Variants in NLGN2 observed in about 807,000 individuals in gnomAD.
NLGN2 encodes the protein neuroligin 2, also known as neuroligin-2.
Under a neutral mutation model 48.6 loss-of-function variants are expected in NLGN2, and 11 were observed. That is an observed-to-expected ratio of 0.23 (90% CI 0.14 to 0.37). The LOEUF (loss-of-function observed/expected upper bound fraction) is 0.37, where lower values mean the gene tolerates loss of function less well. NLGN2 is among the 10% of genes least tolerant of loss of function. NLGN2 has a pLI of 1.00. For synonymous variants in NLGN2, 548 were observed against 550.0 expected, an observed-to-expected ratio of 1.00 and a Z score of 0.05; for missense variants, 801 against 1,225.2, an observed-to-expected ratio of 0.65 and a Z score of 5.17.
upstream of NLGN2, among the ~76,000 whole-genome samples, chr17:7,407,563 A>C (rs747617035): frequency 6.6e-6 from 1 of 152,116 alleles, no homozygotes; most frequent in Non-Finnish European, 1.5e-5. Flanking sequence ...CCAGCTAATT[A>C]ATGACTTGGT....
At position 7,414,772 on chromosome 17, in the gene NLGN2, C is replaced by T. The variant is rs143644156; in HGVS notation, c.768C>T (p.Pro256=). ...ACATCGCCCACTTTGGGGGCGACCC[C>T]GAGCGTATCACCATCTTTGGTTCCG... The part of the protein sequence containing the change: ...SENIAHFGGD[P]ERITIFGSGA... Residue 256 remains proline (P), a synonymous_variant, in exon 4 of 7, where the codon CCC becomes CCT. Coordinates refer to ENST00000302926, the MANE Select transcript of NLGN2 (RefSeq NM_020795.4). 8.3e-5 allele frequency: 134 copies of T among 1,614,170 alleles called. No individual in the cohort carries two copies. Among genetic ancestry groups the T allele is most frequent in the Middle Eastern group, 1.6e-4 (1 of 6,062 alleles).
In NLGN2 at chr17:7,417,539, G is replaced by A; in HGVS notation, c.2248G>A (p.Gly750Ser). Reference protein sequence around the residue: ...EELVSLQLKRGGGVGADPAEA... With the variant: ...EELVSLQLKRSGGVGADPAEA... The stretch of plus-strand genomic sequence containing the variant: ...GCTGGTGTCACTGCAGCTGAAGCGG[G>A]GTGGTGGCGTCGGGGCGGACCCTGC... The change falls in exon 7 of 7, where the codon GGT becomes AGT. Residue 750 changes from glycine (G) to serine (S), a missense_variant. Physicochemically the swap from Gly to Ser is moderately conservative, Grantham distance 56 (BLOSUM62 0). Around this residue, in one of 5 missense-constraint regions of NLGN2, gnomAD observed 276 missense variants for 313.9 expected, o/e 0.88. Transcript: ENST00000302926. 6.8e-7 allele frequency: 1 copy of A among 1,477,302 alleles called. No individual in the cohort carries two copies. Among genetic ancestry groups the A allele is most frequent in the Non-Finnish European group, 8.9e-7 (1 of 1,118,790 alleles). 91.5% of individuals were successfully genotyped at this position (1,477,302 alleles called of 1,614,324 possible).
At chr17:7,416,855 GC>G in intron 6 of NLGN2, 70 bp from the exon 7 acceptor site, 1 of 1,571,158 alleles carries the variant, frequency 6.4e-7, no homozygotes, top group Non-Finnish European at 8.7e-7. Flanking sequence ...CTGTCTCCCT[GC>G]CCACTGCCAT....
chr17:7,407,197 C>G (rs567823347), upstream of NLGN2, among the ~76,000 whole-genome samples: 17 of 152,334 alleles, frequency 1.1e-4, no homozygotes, highest in African/African-American at 4.1e-4. Context: ...CAGAACCCCC[C>G]TCCAGGGTTA....
Position 7,408,564 on chromosome 17 carries a change from G to C in NLGN2, c.309G>C (p.Pro103=). Residue 103 remains proline (P), a synonymous_variant, in exon 1 of 7, where the codon CCG becomes CCC. Transcript: ENST00000302926. The surrounding 1 kb of genome is among the most constrained non-coding windows in gnomAD (Gnocchi z 7.5). The part of the protein sequence containing the change: ...WPGVRNATTL[P]PACPQNLHGA... ...GCGTGCGCAACGCCACCACCCTGCCGCCCGCCTGCCCGCAGAACCTGCACG... is the reference window on the plus strand; with the variant it reads ...GCGTGCGCAACGCCACCACCCTGCCCCCCGCCTGCCCGCAGAACCTGCACG... The C allele has an allele frequency of 6.4e-7, 1 of 1,551,604 alleles. No individual in the cohort carries two copies. The highest frequency in any genetic ancestry group is 8.7e-7 in the Non-Finnish European group (1 of 1,150,154).
chr17:7,407,392 G>T (rs552936478), upstream of NLGN2, among the ~76,000 whole-genome samples: 7 of 152,164 alleles, frequency 4.6e-5, no homozygotes, highest in Non-Finnish European at 8.8e-5. Context: ...GAGAGGGGTC[G>T]CAGGCAGCAC....
Position 7,417,468 on chromosome 17 carries a change from GC to G in NLGN2, c.2182del (p.Leu728CysfsTer20). The G allele has an allele frequency of 5.9e-6, 9 of 1,536,910 alleles. No homozygotes were observed. The highest frequency in any genetic ancestry group is 2.5e-5 in the East Asian group (1 of 40,386). ...TCAGGCTCTGGCGTGCCTGGTGGGG[GC>G]CCCCTGCTCCCCGCCGCGGGCCGTG... ...GGSGSGVPGG[G>X]PLLPAAGREL... is the part of the protein sequence containing the mutation. On this transcript the variant is annotated frameshift_variant, in exon 7 of 7. Coordinates refer to ENST00000302926, the MANE Select transcript of NLGN2 (RefSeq NM_020795.4). LOFTEE classifies it low-confidence loss of function (END_TRUNC).
rs749019100 is a variant in NLGN2 at position 7,415,814 on chromosome 17, C to G, written c.1341C>G (p.Arg447=). Residue 447 remains arginine, a synonymous_variant, in exon 6 of 7, where the codon CGC becomes CGG. Coordinates refer to ENST00000302926, the MANE Select transcript of NLGN2 (RefSeq NM_020795.4). ...DWADRDNGEM[R]RKTLLALFTD... ...CCGACCGGGACAATGGCGAAATGCG[C>G]CGCAAAACCCTGCTGGCGCTCTTTA... The G allele has an allele frequency of 3.5e-5, 56 of 1,613,870 alleles. No homozygotes were observed. Among genetic ancestry groups the G allele is most frequent in the Non-Finnish European group, 5.9e-6 (7 of 1,180,038 alleles).
At position 7,408,123 on chromosome 17, in the gene NLGN2, AC is replaced by A; in HGVS notation, c.-128del. 1 of 447,474 alleles carries A rather than the reference AC, an allele frequency of 2.2e-6. No individual in the cohort carries two copies. The highest frequency in any genetic ancestry group is 3.8e-6 in the Non-Finnish European group (1 of 266,238). The allele number at this position is 447,474 out of a possible 1,614,324, so 27.7% of individuals were successfully genotyped here. A position where few individuals can be genotyped will look rare whatever the true frequency, so the allele number is the denominator to read the frequency against. On this transcript the variant is annotated 5_prime_UTR_variant, in exon 1 of 7. Coordinates refer to ENST00000302926, the MANE Select transcript of NLGN2 (RefSeq NM_020795.4). This position sits in a 1 kb window ranked among gnomAD's most constrained non-coding sequence, Gnocchi z 7.5. ...CCAGTCTAACCCAGGTCCCTCCCCA[AC>A]CCCCTCCTCCCTCCTTTCCCCCCGC... is the stretch of plus-strand genomic sequence containing the variant.
In NLGN2 at chr17:7,417,313, G is replaced by A. The variant is rs370003398; in HGVS notation, c.2022G>A (p.Thr674=). The change falls in exon 7 of 7, where the codon ACG becomes ACA. Residue 674 remains threonine (T), a synonymous_variant. Coordinates refer to ENST00000302926, the MANE Select transcript of NLGN2 (RefSeq NM_020795.4). ...CCGGGGACTCACGGGACTACTCCAC[G>A]GAGCTGAGCGTCACCGTGGCCGTGG... ...RFPGDSRDYS[T]ELSVTVAVGA... 25 of 1,609,330 alleles carry A rather than the reference G, an allele frequency of 1.6e-5. No homozygotes were observed. Among genetic ancestry groups the A allele is most frequent in the East Asian group, 2.2e-5 (1 of 44,610 alleles).
chr17:7,417,221 C>T lies in NLGN2; in HGVS notation c.1930C>T (p.Pro644Ser). 6.5e-7 allele frequency: 1 copy of T among 1,535,828 alleles called. No individual in the cohort carries two copies. Among genetic ancestry groups the T allele is most frequent in the Non-Finnish European group, 8.7e-7 (1 of 1,144,516 alleles). ...TGGCGCCCCGGGCACACGCCGGCCC[C>T]CGCCGCCTGCCACCCTGCCTCCCGA... ...PAGAPGTRRPPPPATLPPEPE... is the reference protein window; with the variant it reads ...PAGAPGTRRPSPPATLPPEPE... The change falls in exon 7 of 7, where the codon CCG (proline) becomes TCG (serine). Residue 644 changes from proline (P) to serine (S), a missense_variant. Physicochemically the swap from Pro to Ser is moderately conservative, Grantham distance 74 (BLOSUM62 -1). This residue lies in a region of NLGN2 where 276 missense variants were observed against 313.9 expected (regional missense o/e 0.88). Transcript: ENST00000302926.
chr17:7,406,750 A>G (rs1906662283), upstream of NLGN2, among the ~76,000 whole-genome samples: 2 of 151,342 alleles, frequency 1.3e-5, no homozygotes, highest in South Asian at 4.2e-4. Flanking sequence ...CAGGCATCAG[A>G]GCAGCAACTG....
chr17:7,409,872 C>T (rs899401945), intron 1 of NLGN2, among the ~76,000 whole-genome samples: 5 of 152,140 alleles, frequency 3.3e-5, no homozygotes, highest in Admixed American at 1.3e-4. Flanking sequence ...ATCACACACA[C>T]CCCCAGTACA....
At chr17:7,404,684 C>T (rs1906534930), upstream of NLGN2, among the ~76,000 whole-genome samples, 1 of 152,060 alleles carries the variant, frequency 6.6e-6, no homozygotes, top group South Asian at 2.1e-4. Flanking sequence ...GTGGGAGATC[C>T]GGGGGAATGT....
chr17:7,408,134 C>A lies in NLGN2; in HGVS notation c.-122C>A, dbSNP rs941153254. The A allele has an allele frequency of 6.2e-6, 3 of 481,278 alleles. No individual in the cohort carries two copies. The highest frequency in any genetic ancestry group is 6.2e-5 in the African/African-American group (3 of 48,344). The allele number at this position is 481,278 out of a possible 1,614,324, so 29.8% of individuals were successfully genotyped here. A position where few individuals can be genotyped will look rare whatever the true frequency, so the allele number is the denominator to read the frequency against. On this transcript the variant is annotated 5_prime_UTR_variant, in exon 1 of 7. Transcript: ENST00000302926. The surrounding 1 kb of genome is among the most constrained non-coding windows in gnomAD (Gnocchi z 7.5). Reference sequence around the variant, plus strand: ...CAGGTCCCTCCCCAACCCCCTCCTCCCTCCTTTCCCCCCGCCCCTCCTCCC... The same window carrying A: ...CAGGTCCCTCCCCAACCCCCTCCTCACTCCTTTCCCCCCGCCCCTCCTCCC...
In NLGN2 at chr17:7,411,560, G is replaced by A. The variant is rs1199753144; in HGVS notation, c.458-597G>A. Among the ~76,000 whole-genome samples the A allele has an allele frequency of 2.0e-5, 3 of 152,186 alleles. No individual in the cohort carries two copies. Among genetic ancestry groups the A allele is most frequent in the African/African-American group, 7.2e-5 (3 of 41,442 alleles). On this transcript the variant is annotated intron_variant, in intron 1 of 6. Coordinates refer to ENST00000302926, the MANE Select transcript of NLGN2 (RefSeq NM_020795.4). This position sits in a 1 kb window ranked among gnomAD's most constrained non-coding sequence, Gnocchi z 4.5. The stretch of plus-strand genomic sequence containing the variant: ...CGGAAGGCTTCTGGGGCTGAGCTGT[G>A]GGGCAGGCTGCCCCCCAACCCTGTC...
Position 7,408,494 on chromosome 17 carries a change from G to A in NLGN2, c.239G>A (p.Gly80Asp), listed in dbSNP as rs1906750327. The A allele has an allele frequency of 3.4e-6, 5 of 1,490,770 alleles. No homozygotes were observed. The highest frequency in any genetic ancestry group is 3.6e-6 in the Non-Finnish European group (4 of 1,124,596). 92.3% of individuals were successfully genotyped at this position (1,490,770 alleles called of 1,614,324 possible). Residue 80 changes from glycine to aspartate, a missense_variant, in exon 1 of 7, where the codon GGC becomes GAC. By Grantham distance (94) the Gly-to-Asp change is moderately conservative. This residue lies in a region of NLGN2 where 164 missense variants were observed against 186.2 expected (regional missense o/e 0.88). Coordinates refer to ENST00000302926, the MANE Select transcript of NLGN2 (RefSeq NM_020795.4). This position sits in a 1 kb window ranked among gnomAD's most constrained non-coding sequence, Gnocchi z 7.5. ...LGVPYATPPLGARRFQPPEAP... is the reference protein window; with the variant it reads ...LGVPYATPPLDARRFQPPEAP... ...GTGCCCTACGCCACGCCGCCCCTGG[G>A]CGCCCGCCGCTTCCAGCCGCCTGAG... is the stretch of plus-strand genomic sequence containing the variant.
upstream of NLGN2, chr17:7,405,756 G>C (rs1343501124): frequency 6.5e-6 from 1 of 153,296 alleles, no homozygotes; most frequent in African/African-American, 2.4e-5. This position sits in a 1 kb window ranked among gnomAD's most constrained non-coding sequence, Gnocchi z 6.8. Context: ...GTGTCTCTGC[G>C]TCTTGGTCTC....
rs924426278 is a variant in NLGN2, at chr17:7,411,614, A to G, written c.458-543A>G. On this transcript the variant is annotated intron_variant, in intron 1 of 6. Transcript: ENST00000302926. This position sits in a 1 kb window ranked among gnomAD's most constrained non-coding sequence, Gnocchi z 4.5. The stretch of plus-strand genomic sequence containing the variant: ...CTCGCTGCCCTGCAGAGTGGTCCAG[A>G]GGGAAGCAGAGTCTTTTCTGCGGCA... Among the ~76,000 whole-genome samples, 3 of 152,156 alleles carry G rather than the reference A, an allele frequency of 2.0e-5. No homozygotes were observed. The highest frequency in any genetic ancestry group is 7.2e-5 in the African/African-American group (3 of 41,424).
Sources: gnomAD v4.1 joint callset for allele counts (sites outside exome capture counted in the v4.1 genomes callset) on GRCh38, gnomAD v4.1.1 for gene constraint, gnomAD v4.1.1 regional missense constraint, Gnocchi (gnomAD v3.1) non-coding constraint, MANE v1.5 for transcripts, NCBI Gene and HGNC (gene_info 2026-07-23, HGNC 2026-07-21) for gene names.